SCML4: variants seen among roughly 807,000 people sequenced by gnomAD.
SCML4 encodes the protein Scm polycomb group protein like 4, also known as sex comb on midleg-like protein 4.
In SCML4, 34 loss-of-function variants were observed where a neutral mutation model predicts 41.1. That is an observed-to-expected ratio of 0.83 (90% CI 0.63 to 1.10). SCML4 has a LOEUF of 1.10. Ranked by LOEUF, SCML4 falls within the 50% of genes least tolerant of loss-of-function variation. SCML4 has a pLI of 0.00. For synonymous variants in SCML4, 214 were observed against 220.9 expected (o/e 0.97, Z 0.28); for missense variants, 522 against 534.1 (o/e 0.98, Z 0.22).
chr6:107,736,695 C>T (rs1438126835), intron 5 of SCML4, among the ~76,000 whole-genome samples: 1 of 152,136 alleles, frequency 6.6e-6, no homozygotes, highest in Admixed American at 6.5e-5. Flanking sequence ...TCCATATATT[C>T]TCTGTAATGT....
At chr6:107,742,303 A>G (rs1220805895) in intron 5 of SCML4, among the ~76,000 whole-genome samples, 1 of 152,210 alleles carries the variant, frequency 6.6e-6, no homozygotes, top group African/African-American at 2.4e-5. Context: ...AAATTACCTC[A>G]AAAGACAAAA....
intron 3 of SCML4, 23 bp downstream of exon 3, chr6:107,749,661 T>C (rs201863497): frequency 2.5e-5 from 40 of 1,613,120 alleles, no homozygotes; most frequent in Non-Finnish European, 3.1e-5. Flanking sequence ...ATCACAGCCT[T>C]GGAGTTCATT....
intron 1 of SCML4, among the ~76,000 whole-genome samples, chr6:107,813,418 AT>A (rs1784343964): frequency 6.8e-5 from 1 of 14,812 alleles, no homozygotes; most frequent in Non-Finnish European, 1.9e-4. Context: ...ATATATATAT[AT>A]ATATAAAACT....
chr6:107,836,900 G>A, the SCML4 span, among the ~76,000 whole-genome samples: 1 of 152,062 alleles, frequency 6.6e-6, no homozygotes, highest in Non-Finnish European at 1.5e-5. Context: ...AGTCATCCCC[G>A]CCGATGTCAC....
chr6:107,774,325 A>G (rs1004535838), intron 1 of SCML4, among the ~76,000 whole-genome samples: 2 of 152,198 alleles, frequency 1.3e-5, no homozygotes, highest in African/African-American at 4.8e-5. Flanking sequence ...TTAGTAGTAC[A>G]TAAAATAATG....
At chr6:107,823,721 T>A (rs1178078206) in intron 1 of SCML4, among the ~76,000 whole-genome samples, 1 of 152,128 alleles carries the variant, frequency 6.6e-6, no homozygotes, top group African/African-American at 2.4e-5. Flanking sequence ...CATAGTACAA[T>A]TTTTTTAAAA....
chr6:107,739,396 C>T (rs1345805459), intron 5 of SCML4, among the ~76,000 whole-genome samples: 1 of 152,034 alleles, frequency 6.6e-6, no homozygotes, highest in Non-Finnish European at 1.5e-5. Flanking sequence ...AAAAACATCC[C>T]AGTTCTTTCC....
intron 2 of SCML4, among the ~76,000 whole-genome samples, chr6:107,757,976 T>C (rs1001677254): frequency 6.6e-6 from 1 of 152,126 alleles, no homozygotes; most frequent in African/African-American, 2.4e-5. Flanking sequence ...TTCCAATCCA[T>C]CTTGAAATGG....
At chr6:107,811,974 T>A (rs1400970979) in intron 1 of SCML4, among the ~76,000 whole-genome samples, 1 of 151,962 alleles carries the variant, frequency 6.6e-6, no homozygotes, top group African/African-American at 2.4e-5. Flanking sequence ...AGTGAGAGGG[T>A]TTCCAACAAC....
Position 107,749,673 on chromosome 6 carries a change from T to C in SCML4, c.286+11A>G, listed in dbSNP as rs1021877359. The C allele has an allele frequency of 1.2e-6, 2 of 1,613,512 alleles. No homozygotes were observed. Among genetic ancestry groups the C allele is most frequent in the Admixed American group, 1.7e-5 (1 of 59,978 alleles). ...ACCATCACAGCCTTGGAGTTCATTC[T>C]GCTGACCTACCTGTGAGAGCCTGTG... is the stretch of plus-strand genomic sequence containing the variant. On this transcript the variant is annotated intron_variant, in intron 3 of 7. Coordinates refer to ENST00000369020, the MANE Select transcript of SCML4 (RefSeq NM_198081.5).
At chr6:107,789,390 C>G (rs1782143985) in intron 1 of SCML4, among the ~76,000 whole-genome samples, 1 of 152,138 alleles carries the variant, frequency 6.6e-6, no homozygotes, top group South Asian at 2.1e-4. Flanking sequence ...GAGTCCCAGC[C>G]CATCCTGCCT....
chr6:107,718,531 C>T (rs1270565733), intron 6 of SCML4: 1 of 152,390 alleles, frequency 6.6e-6, no homozygotes, highest in Non-Finnish European at 1.5e-5. Context: ...AGGAGGACAT[C>T]CTAGGGCTCA....
chr6:107,791,895 G>A (rs6568498), intron 1 of SCML4, among the ~76,000 whole-genome samples: 150,626 of 152,304 alleles, frequency 0.99, 74,506 homozygotes, highest in Middle Eastern at 1. Flanking sequence ...CAGGAGGTAG[G>A]GGATGCAGTA....
At chr6:107,833,377 C>T in the SCML4 span, among the ~76,000 whole-genome samples, 2 of 152,236 alleles carry the variant, frequency 1.3e-5, no homozygotes, top group East Asian at 1.9e-4. Flanking sequence ...TAGGAGGGTC[C>T]GTTCTCTCCG....
chr6:107,739,996 TG>T (rs1348457619), intron 5 of SCML4: 2 of 385,620 alleles, frequency 5.2e-6, no homozygotes, highest in Non-Finnish European at 1.0e-5. Context: ...GCCACAAGGT[TG>T]GATAATTTAG....
chr6:107,771,825 A>T (rs1438752452), intron 2 of SCML4, among the ~76,000 whole-genome samples: 2 of 152,138 alleles, frequency 1.3e-5, no homozygotes, highest in Admixed American at 1.3e-4. Context: ...TTCAAGATTT[A>T]CCCTAGTAGG....
chr6:107,731,787 A>G (rs1189450611), intron 5 of SCML4, among the ~76,000 whole-genome samples: 1 of 152,192 alleles, frequency 6.6e-6, no homozygotes, highest in Non-Finnish European at 1.5e-5. Context: ...TGCAGTTCGC[A>G]GATTTGTAGA....
intron 5 of SCML4, among the ~76,000 whole-genome samples, chr6:107,731,293 T>C (rs981267827): frequency 6.6e-6 from 1 of 152,226 alleles, no homozygotes; most frequent in African/African-American, 2.4e-5. Context: ...GGACTATTGA[T>C]TTTATTTTTA....
upstream of SCML4, among the ~76,000 whole-genome samples, chr6:107,828,935 C>G (rs1487139753): frequency 1.3e-5 from 2 of 152,078 alleles, no homozygotes; most frequent in Non-Finnish European, 2.9e-5. Context: ...AAAAAACAAC[C>G]TAAATCACAG....
Sources: allele counts gnomAD v4.1 joint callset (sites outside exome capture counted in the v4.1 genomes callset), GRCh38; gene constraint gnomAD v4.1.1; transcripts MANE v1.5; gene names NCBI Gene and HGNC (gene_info 2026-07-23, HGNC 2026-07-21).